SERPINI1: variants seen among roughly 807,000 people sequenced by gnomAD.
SERPINI1 encodes serpin family I member 1, also known as neuroserpin.
A neutral mutation model predicts 41.1 loss-of-function variants in SERPINI1; 19 were observed. The observed-to-expected ratio is 0.46, with a 90% CI of 0.32 to 0.68. SERPINI1 has a LOEUF of 0.68. SERPINI1 is among the 30% of genes least tolerant of loss of function. SERPINI1 has a pLI of 0.03. For missense variants in SERPINI1, 460 were observed against 479.2 expected (o/e 0.96, Z 0.37); for synonymous variants, 138 against 156.6 (o/e 0.88, Z 0.89).
chr3:167,798,509 T>G (rs1285185793), intron 5 of SERPINI1, among the ~76,000 whole-genome samples: 1 of 152,180 alleles, frequency 6.6e-6, no homozygotes, highest in Non-Finnish European at 1.5e-5. Flanking sequence ...ATAATGGTAA[T>G]GATTTATGTG....
At chr3:167,773,668 T>G (rs1726866231) in intron 1 of SERPINI1, among the ~76,000 whole-genome samples, 1 of 152,212 alleles carries the variant, frequency 6.6e-6, no homozygotes, top group African/African-American at 2.4e-5. Context: ...AAACCAAAGT[T>G]TCTTTTAGAA....
chr3:167,792,485 A>G (rs772128687), intron 3 of SERPINI1, 105 bp from the exon 4 acceptor site: 3 of 857,304 alleles, frequency 3.5e-6, no homozygotes, highest in Non-Finnish European at 5.5e-6. Context: ...TTTGGTGTAC[A>G]GTTTCTCTGG....
intron 6 of SERPINI1, among the ~76,000 whole-genome samples, chr3:167,813,760 C>T (rs1711973333): frequency 6.6e-6 from 1 of 152,006 alleles, no homozygotes; most frequent in Middle Eastern, 3.2e-3. Context: ...TCTTTCTGTC[C>T]CCAGAACACA....
At chr3:167,788,982 C>T in intron 1 of SERPINI1, 129 bp from the exon 2 acceptor site, 1 of 850,958 alleles carries the variant, frequency 1.2e-6, no homozygotes, top group Non-Finnish European at 1.8e-6. Flanking sequence ...ATCCTCAGAA[C>T]TTAGCAGTGT....
chr3:167,768,269 A>C (rs1353487852), intron 1 of SERPINI1, among the ~76,000 whole-genome samples: 1 of 152,236 alleles, frequency 6.6e-6, no homozygotes, highest in Non-Finnish European at 1.5e-5. Context: ...TGAGATGATC[A>C]TTAGCATTTT....
chr3:167,773,456 A>G (rs1300285547), intron 1 of SERPINI1, among the ~76,000 whole-genome samples: 1 of 152,188 alleles, frequency 6.6e-6, no homozygotes, highest in African/African-American at 2.4e-5. Context: ...ACATTGGCTG[A>G]TTTCCTTGAC....
chr3:167,798,994 T>C (rs1480542896), intron 5 of SERPINI1, among the ~76,000 whole-genome samples: 1 of 152,006 alleles, frequency 6.6e-6, no homozygotes, highest in Admixed American at 6.6e-5. Flanking sequence ...AAATAAAAGG[T>C]TTTTTTAGCT....
chr3:167,735,990 A>G (rs989100652), intron 1 of SERPINI1, 167 bp downstream of exon 1: 14 of 152,364 alleles, frequency 9.2e-5, no homozygotes, highest in Admixed American at 2.0e-4. Context: ...GCAAAAAAGC[A>G]AAAGGAAGCT....
In SERPINI1 at chr3:167,786,267, C is replaced by T. The variant is rs529707707; in HGVS notation, c.-18-2844C>T. 1.1e-4 allele frequency among the ~76,000 whole-genome samples: 16 copies of T among 152,202 alleles called. No individual in the cohort carries two copies. In the South Asian group the frequency reaches 3.1e-3, roughly 30 times the overall value. ...CCTGTAATCCCAGCACTTTGGGAGG[C>T]CAAGGCGGGCGGATCACTTGAGGTC... On this transcript the variant is annotated intron_variant, in intron 1 of 8. Transcript: ENST00000446050.
In SERPINI1 at chr3:167,825,267, C is replaced by T. The variant is rs761133163; in HGVS notation, c.1177C>T (p.Arg393Ter). The T allele has an allele frequency of 3.7e-6, 6 of 1,612,650 alleles. No homozygotes were observed. The South Asian group carries it at 4.4e-5, about 12-fold the overall frequency. The change falls in exon 9 of 9, where the codon CGA (arginine) becomes TGA (stop). Residue 393 changes from arginine to a stop codon, truncating the protein, a stop_gained. Transcript: ENST00000446050. LOFTEE classifies it high-confidence loss of function. ...RRTGTILFMG[R>*]VMHPETMNTS... ...TACAGGTACAATTCTATTCATGGGA[C>T]GAGTCATGCATCCTGAAACAATGAA...
rs61735308 is a variant in SERPINI1 at position 167,790,461 on chromosome 3, G to A, written c.340G>A (p.Val114Met). Reference protein sequence around the residue: ...YVMKIANSLFVQNGFHVNEEF... With the variant: ...YVMKIANSLFMQNGFHVNEEF... The stretch of plus-strand genomic sequence containing the variant: ...GATGAAAATTGCCAATTCCTTGTTT[G>A]TGCAAAATGGATTTCATGTCAATGA... Residue 114 changes from valine to methionine, a missense_variant, in exon 3 of 9, where the codon GTG (valine) becomes ATG (methionine). Val to Met is a conservative substitution (Grantham distance 21, BLOSUM62 1). Coordinates refer to ENST00000446050, the MANE Select transcript of SERPINI1 (RefSeq NM_001122752.2). 7.7e-5 allele frequency: 125 copies of A among 1,614,008 alleles called. No homozygotes were observed. In the African/African-American group the frequency reaches 1.4e-3, roughly 18 times the overall value.
At chr3:167,796,314 A>G (rs1403770099) in intron 5 of SERPINI1, among the ~76,000 whole-genome samples, 2 of 151,752 alleles carry the variant, frequency 1.3e-5, no homozygotes, top group Admixed American at 1.3e-4. Flanking sequence ...TTCATAATAT[A>G]TAACTATAAA....
At chr3:167,816,469 G>C (rs527296043) in intron 6 of SERPINI1, among the ~76,000 whole-genome samples, 1 of 152,116 alleles carries the variant, frequency 6.6e-6, no homozygotes, top group South Asian at 2.1e-4. Flanking sequence ...AACCACTTTC[G>C]TTCAACAATT....
At chr3:167,795,096 CT>C (rs2108560209) in intron 5 of SERPINI1, among the ~76,000 whole-genome samples, 1 of 152,170 alleles carries the variant, frequency 6.6e-6, no homozygotes, top group Admixed American at 6.5e-5. Flanking sequence ...TCATCGAGAC[CT>C]AGTTTCAGAT....
chr3:167,789,477 T>C (rs1323906507), intron 2 of SERPINI1, 99 bp downstream of exon 2: 1 of 1,393,146 alleles, frequency 7.2e-7, no homozygotes, highest in Non-Finnish European at 1.0e-6. Context: ...TTACACAGGG[T>C]AAAAAACAAT....
At chr3:167,780,574 A>T (rs1383317229) in intron 1 of SERPINI1, among the ~76,000 whole-genome samples, 1 of 152,196 alleles carries the variant, frequency 6.6e-6, no homozygotes, top group African/African-American at 2.4e-5. Flanking sequence ...CAAAAGATTT[A>T]TTAACTTGCA....
At chr3:167,759,778 TAAATG>T (rs1726319969) in intron 1 of SERPINI1, among the ~76,000 whole-genome samples, 1 of 151,812 alleles carries the variant, frequency 6.6e-6, no homozygotes, top group Non-Finnish European at 1.5e-5. Context: ...AAAATAAAAA[TAAATG>T]AAGTAATGAA....
intron 1 of SERPINI1, among the ~76,000 whole-genome samples, chr3:167,788,498 G>A (rs1455649348): frequency 6.6e-6 from 1 of 152,126 alleles, no homozygotes; most frequent in Non-Finnish European, 1.5e-5. Flanking sequence ...ATTGTCACTG[G>A]GAGAGCAGCA....
intron 1 of SERPINI1, among the ~76,000 whole-genome samples, chr3:167,753,571 G>A (rs1320773972): frequency 6.6e-6 from 1 of 152,106 alleles, no homozygotes; most frequent in Non-Finnish European, 1.5e-5. Flanking sequence ...AAGATTGGGG[G>A]TGGGGAGCAG....
Sources: gnomAD v4.1 joint callset for allele counts (sites outside exome capture counted in the v4.1 genomes callset) on GRCh38, gnomAD v4.1.1 for gene constraint, MANE v1.5 for transcripts, NCBI Gene and HGNC (gene_info 2026-07-23, HGNC 2026-07-21) for gene names.